DNAJC1: variants seen among roughly 807,000 people sequenced by gnomAD.
DNAJC1 encodes DnaJ heat shock protein family (Hsp40) member C1, also known as dnaJ homolog subfamily C member 1.
DNAJC1 carries 58 observed loss-of-function variants against 76.6 expected under a neutral mutation model. The ratio of observed to expected loss-of-function variants is 0.76; its 90% CI spans 0.61 to 0.94. The LOEUF is 0.94. Ranked by LOEUF, DNAJC1 falls within the 40% of genes least tolerant of loss-of-function variation. The probability of loss-of-function intolerance (pLI) is 0.00; values close to 1 mark genes in which losing one functional copy is unlikely to be tolerated. For synonymous variants in DNAJC1, 258 were observed against 267.9 expected (o/e 0.96, Z 0.36); for missense variants, 689 against 677.3 (o/e 1.02, Z -0.19).
chr10:21,877,362 AT>A, intron 8 of DNAJC1, among the ~76,000 whole-genome samples: 1 of 151,964 alleles, frequency 6.6e-6, no homozygotes. Context: ...GATTAATATA[AT>A]TAGTAAGTTC....
rs1834714283 is a variant in DNAJC1 at position 21,793,411 on chromosome 10, A to T, written c.1098+12569T>A. 2.6e-5 allele frequency among the ~76,000 whole-genome samples: 4 copies of T among 152,240 alleles called. No individual in the cohort carries two copies. The South Asian group carries it at 8.3e-4, about 32-fold the overall frequency. On this transcript the variant is annotated intron_variant, in intron 9 of 11. Coordinates refer to ENST00000376980, the MANE Select transcript of DNAJC1 (RefSeq NM_022365.4). ...TCCCTCCATGATCAGGAACAAGGCA[A>T]GTATGCCTGCACTCACCACTTCTGT... is the stretch of plus-strand genomic sequence containing the variant.
chr10:21,937,359 G>T (rs1042050630), intron 1 of DNAJC1, among the ~76,000 whole-genome samples: 5 of 152,028 alleles, frequency 3.3e-5, no homozygotes, highest in African/African-American at 9.7e-5. Flanking sequence ...CACAAAAATT[G>T]TTACAAAAGA....
intron 11 of DNAJC1, among the ~76,000 whole-genome samples, chr10:21,758,059 C>T (rs1047677743): frequency 1.3e-5 from 2 of 152,122 alleles, no homozygotes; most frequent in Non-Finnish European, 2.9e-5. Context: ...GGAGAATCTG[C>T]GCTTCTCAAA....
chr10:21,987,777 T>A (rs985104356), intron 1 of DNAJC1, among the ~76,000 whole-genome samples: 28 of 152,288 alleles, frequency 1.8e-4, no homozygotes, highest in African/African-American at 6.7e-4. Context: ...AGTAATATAA[T>A]CTACACGGAT....
At chr10:21,772,793 G>C (rs1237305082) in intron 9 of DNAJC1, among the ~76,000 whole-genome samples, 1 of 151,994 alleles carries the variant, frequency 6.6e-6, no homozygotes, top group African/African-American at 2.4e-5. Flanking sequence ...CTGAGATTGG[G>C]TAATTTATAA....
chr10:21,985,956 G>T (rs369214884), intron 1 of DNAJC1, among the ~76,000 whole-genome samples: 1 of 152,030 alleles, frequency 6.6e-6, no homozygotes, highest in Non-Finnish European at 1.5e-5. Context: ...GGCCGGGCAC[G>T]GTGGCTCACG....
chr10:21,951,021 T>C (rs1837585271), intron 1 of DNAJC1, among the ~76,000 whole-genome samples: 1 of 152,132 alleles, frequency 6.6e-6, no homozygotes, highest in Admixed American at 6.5e-5. Context: ...AGACTTGGCA[T>C]TGCTGCCAGA....
chr10:21,893,166 C>T (rs1836485051), intron 7 of DNAJC1, among the ~76,000 whole-genome samples: 1 of 152,056 alleles, frequency 6.6e-6, no homozygotes, highest in African/African-American at 2.4e-5. Context: ...TTAACTCATA[C>T]AGAGTATGCT....
At chr10:21,846,543 G>T (rs945106386) in intron 8 of DNAJC1, among the ~76,000 whole-genome samples, 1 of 151,998 alleles carries the variant, frequency 6.6e-6, no homozygotes, top group Non-Finnish European at 1.5e-5. Flanking sequence ...TTTACCAAAA[G>T]GATTTGATAA....
At chr10:21,966,241 C>A (rs1405357210) in intron 1 of DNAJC1, among the ~76,000 whole-genome samples, 1 of 152,144 alleles carries the variant, frequency 6.6e-6, no homozygotes, top group African/African-American at 2.4e-5. Context: ...GTAATACTAA[C>A]ACTGTTCACT....
rs143459985 is a variant in DNAJC1, at chr10:21,819,011, C to T, written c.979-12912G>A. Among the ~76,000 whole-genome samples the T allele has an allele frequency of 3.2e-3, 483 of 152,202 alleles. 3 individuals are homozygous for T. The highest frequency in any genetic ancestry group is 0.011 in the African/African-American group (468 of 41,522). On this transcript the variant is annotated intron_variant, in intron 8 of 11. Transcript: ENST00000376980. ...CACTATTATACTACTTGGGATAAAG[C>T]AAAATCGTATTTAAGGACTAACATG...
chr10:21,787,672 C>G (rs1465047827), intron 9 of DNAJC1, among the ~76,000 whole-genome samples: 4 of 152,226 alleles, frequency 2.6e-5, no homozygotes, highest in East Asian at 1.9e-4. Flanking sequence ...CTCCATCCCC[C>G]AGCCAGGATC....
rs987427416 is a variant in DNAJC1, at chr10:21,901,490, C to T, written c.820+3032G>A. On this transcript the variant is annotated intron_variant, in intron 7 of 11. Coordinates refer to ENST00000376980, the MANE Select transcript of DNAJC1 (RefSeq NM_022365.4). Reference sequence around the variant, plus strand: ...AGTATTCAACTTATTTAAACCTAAACCACAAAATTGATTAAAAGTTTATAA... The same window carrying T: ...AGTATTCAACTTATTTAAACCTAAATCACAAAATTGATTAAAAGTTTATAA... 6.6e-5 allele frequency among the ~76,000 whole-genome samples: 10 copies of T among 152,180 alleles called. No individual in the cohort carries two copies. In the South Asian group the frequency reaches 1.9e-3, roughly 28 times the overall value.
At chr10:21,988,165 T>C (rs1019166925) in intron 1 of DNAJC1, among the ~76,000 whole-genome samples, 2 of 152,156 alleles carry the variant, frequency 1.3e-5, no homozygotes, top group African/African-American at 2.4e-5. Flanking sequence ...GGCTTTATTA[T>C]CAAAATTTCT....
At chr10:21,928,456 G>A (rs766176600) in intron 3 of DNAJC1, 50 bp downstream of exon 3, 3 of 1,470,216 alleles carry the variant, frequency 2.0e-6, no homozygotes, top group Non-Finnish European at 2.8e-6. Flanking sequence ...TTTATAAACT[G>A]TAGCATGAAA....
intron 7 of DNAJC1, among the ~76,000 whole-genome samples, chr10:21,897,239 T>C (rs903753622): frequency 2.2e-4 from 34 of 152,174 alleles, no homozygotes; most frequent in Admixed American, 6.5e-5. Flanking sequence ...AAGAATTATA[T>C]ACCATGTCCT....
chr10:21,840,020 ATGCAGAAAAGGCCTT>A, intron 8 of DNAJC1, among the ~76,000 whole-genome samples: 1 of 152,354 alleles, frequency 6.6e-6, no homozygotes, highest in East Asian at 1.9e-4. Flanking sequence ...ATCTCAATAG[ATGCAGAAAAGGCCTT>A]TGACAAAATT....
rs934672753 is a variant in DNAJC1 at position 21,933,689 on chromosome 10, C to A, written c.223-4548G>T. Among the ~76,000 whole-genome samples the A allele has an allele frequency of 2.2e-4, 33 of 152,310 alleles. No homozygotes were observed. In the South Asian group the frequency reaches 6.6e-3, roughly 31 times the overall value. ...ATTTATTCATTTATATTTAGTCATA[C>A]ACCACATAACAATGTTTCCATCAAC... On this transcript the variant is annotated intron_variant, in intron 1 of 11. Coordinates refer to ENST00000376980, the MANE Select transcript of DNAJC1 (RefSeq NM_022365.4).
chr10:21,882,151 C>A, intron 8 of DNAJC1, 131 bp downstream of exon 8: 1 of 905,080 alleles, frequency 1.1e-6, no homozygotes, highest in South Asian at 2.1e-5. Context: ...GAGACTCTGT[C>A]TCAAACAAAA....
Sources: gnomAD v4.1 joint callset for allele counts (sites outside exome capture counted in the v4.1 genomes callset) on GRCh38, gnomAD v4.1.1 for gene constraint, MANE v1.5 for transcripts, NCBI Gene and HGNC (gene_info 2026-07-23, HGNC 2026-07-21) for gene names.